Variants in RTCB observed in about 807,000 individuals in gnomAD.
The protein encoded by RTCB is RNA-splicing ligase RTCB.
Under a neutral mutation model 58.2 loss-of-function variants are expected in RTCB, and 32 were observed. The ratio of observed to expected loss-of-function variants is 0.55; its 90% CI spans 0.41 to 0.74. RTCB has a LOEUF of 0.74. Ranked by LOEUF, RTCB falls within the 30% of genes least tolerant of loss-of-function variation. RTCB has a pLI of 0.00. For missense variants in RTCB, 523 were observed against 639.0 expected (o/e 0.82, Z 1.96); for synonymous variants, 247 against 218.6 (o/e 1.13, Z -1.15).
intron 4 of RTCB, 62 bp from the exon 5 acceptor site, chr22:32,401,965 G>A (rs1186183811): frequency 3.0e-5 from 45 of 1,515,462 alleles, no homozygotes; most frequent in African/African-American, 4.1e-5. Flanking sequence ...GCAGTTTCTC[G>A]CCATTAATAT....
intron 4 of RTCB, 43 bp downstream of exon 4, chr22:32,406,619 C>A: frequency 7.0e-7 from 1 of 1,423,020 alleles, no homozygotes; most frequent in Non-Finnish European, 9.9e-7. Context: ...CCGTGCCCGG[C>A]CAATGCTACA....
chr22:32,397,918 T>TTA (rs1326629898), intron 7 of RTCB, 23 bp downstream of exon 7: 1 of 1,583,588 alleles, frequency 6.3e-7, no homozygotes, highest in East Asian at 2.3e-5. Flanking sequence ...AATGTACATT[T>TTA]TAGCACAAAG....
chr22:32,396,356 C>A (rs997608382), intron 7 of RTCB, 107 bp from the exon 8 acceptor site: 47 of 1,204,038 alleles, frequency 3.9e-5, no homozygotes, highest in Non-Finnish European at 5.4e-5. Context: ...CACAAAAAAA[C>A]CCAATGAAAG....
At chr22:32,399,226 T>C (rs1292190050) in intron 6 of RTCB, among the ~76,000 whole-genome samples, 1 of 152,012 alleles carries the variant, frequency 6.6e-6, no homozygotes, top group African/African-American at 2.4e-5. Context: ...AGCCTCAAAC[T>C]CCTAGGCTCA....
At chr22:32,390,885 G>C (rs1933144549) in intron 11 of RTCB, among the ~76,000 whole-genome samples, 1 of 151,900 alleles carries the variant, frequency 6.6e-6, no homozygotes, top group African/African-American at 2.4e-5. Context: ...TTTAGAGATA[G>C]GGTCTTGCTT....
intron 3 of RTCB, 78 bp downstream of exon 3, chr22:32,408,097 C>G (rs1933458340): frequency 7.7e-7 from 1 of 1,292,652 alleles, no homozygotes; most frequent in Admixed American, 1.8e-5. Flanking sequence ...TAAATGACAC[C>G]ACTATCAGGC....
chr22:32,395,731 G>C (rs555873262), intron 8 of RTCB, among the ~76,000 whole-genome samples: 1 of 152,016 alleles, frequency 6.6e-6, no homozygotes, highest in African/African-American at 2.4e-5. Flanking sequence ...GTCTCACTCT[G>C]TCACCCAGGC....
At chr22:32,394,133 TG>T (rs11298581) in intron 9 of RTCB, 131 bp from the exon 10 acceptor site, 7,054 of 564,614 alleles carry the variant, frequency 0.012, 370 homozygotes, top group African/African-American at 0.12. Flanking sequence ...TTTTTTGAGA[TG>T]GGAGTCTTGC....
At position 32,398,615 on chromosome 22, in the gene RTCB, T is replaced by C. The variant is rs536460632; in HGVS notation, c.655-515A>G. 3.3e-5 allele frequency among the ~76,000 whole-genome samples: 5 copies of C among 152,148 alleles called. No homozygotes were observed. The East Asian group carries it at 7.7e-4, about 23-fold the overall frequency. ...TATCCCAGAACTTAAAGTAAATAAATTAATTTTTTAAAAAAAGCTTCATAA... is the reference window on the plus strand; with the variant it reads ...TATCCCAGAACTTAAAGTAAATAAACTAATTTTTTAAAAAAAGCTTCATAA... On this transcript the variant is annotated intron_variant, in intron 6 of 11. Transcript: ENST00000216038.
chr22:32,395,021 C>A lies in RTCB; in HGVS notation c.1179+5G>T. 1 of 1,609,882 alleles carries A rather than the reference C, an allele frequency of 6.2e-7. No homozygotes were observed. On this transcript the variant is annotated splice_donor_5th_base_variant and intron_variant, in intron 9 of 11. Coordinates refer to ENST00000216038, the MANE Select transcript of RTCB (RefSeq NM_014306.5). ...GCTTAAAACTACAAACGTAGAGCTA[C>A]GTACTTGGTAATCAACAGCAATGAG... is the stretch of plus-strand genomic sequence containing the variant.
intron 8 of RTCB, 70 bp from the exon 9 acceptor site, chr22:32,395,284 C>T: frequency 7.4e-7 from 1 of 1,352,546 alleles, no homozygotes; most frequent in South Asian, 1.3e-5. Flanking sequence ...CGTGACTCAT[C>T]TCACTGGTTT....
chr22:32,404,253 C>T (rs1933384560), intron 4 of RTCB, among the ~76,000 whole-genome samples: 1 of 152,220 alleles, frequency 6.6e-6, no homozygotes, highest in African/African-American at 2.4e-5. Flanking sequence ...ACCATAATGG[C>T]TGTGCCAATT....
At chr22:32,402,092 C>T (rs183969634) in intron 4 of RTCB, among the ~76,000 whole-genome samples, 189 bp from the exon 5 acceptor site, 1 of 152,172 alleles carries the variant, frequency 6.6e-6, no homozygotes, top group East Asian at 1.9e-4. Flanking sequence ...AACATACACA[C>T]TAAAGGCACT....
At position 32,397,913 on chromosome 22, in the gene RTCB, A is replaced by G. The variant is rs1412031767; in HGVS notation, c.814+28T>C. On this transcript the variant is annotated intron_variant, in intron 7 of 11. Coordinates refer to ENST00000216038, the MANE Select transcript of RTCB (RefSeq NM_014306.5). ...TTCTATCTGGTTGCCCATAAAATGT[A>G]CATTTTAGCACAAAGTCTAGAATAT... 4 of 1,575,420 alleles carry G rather than the reference A, an allele frequency of 2.5e-6. No homozygotes were observed. In the African/African-American group the frequency reaches 5.5e-5, roughly 21 times the overall value.
chr22:32,409,680 G>C (rs946431520), intron 1 of RTCB, among the ~76,000 whole-genome samples: 1 of 152,040 alleles, frequency 6.6e-6, no homozygotes. Flanking sequence ...ATTTCTTAAG[G>C]GTCACATTTA....
At chr22:32,395,546 T>G (rs1384762651) in intron 8 of RTCB, among the ~76,000 whole-genome samples, 3 of 152,226 alleles carry the variant, frequency 2.0e-5, no homozygotes, top group African/African-American at 7.2e-5. Flanking sequence ...CTAGGAATAA[T>G]TTTGATTCTC....
intron 11 of RTCB, among the ~76,000 whole-genome samples, chr22:32,389,940 T>C (rs1933124300): frequency 1.3e-5 from 2 of 152,174 alleles, no homozygotes. Flanking sequence ...CCTGGCCTCC[T>C]TGCTGTTTCT....
chr22:32,390,051 C>G (rs1477684323), intron 11 of RTCB, among the ~76,000 whole-genome samples: 1 of 152,202 alleles, frequency 6.6e-6, no homozygotes, highest in Non-Finnish European at 1.5e-5. Flanking sequence ...TTTCCTCTCT[C>G]TCTTCAGGTC....
At chr22:32,390,215 A>C (rs1415382796) in intron 11 of RTCB, among the ~76,000 whole-genome samples, 4 of 152,214 alleles carry the variant, frequency 2.6e-5, no homozygotes, top group Admixed American at 2.6e-4. Context: ...GGAAAGCTCC[A>C]CAACGAAGGG....
Sources: allele counts gnomAD v4.1 joint callset (sites outside exome capture counted in the v4.1 genomes callset), GRCh38; gene constraint gnomAD v4.1.1; transcripts MANE v1.5; gene names NCBI Gene and HGNC (gene_info 2026-07-23, HGNC 2026-07-21).